The following SH3D19 variants were observed in gnomAD, a reference collection of about 807,000 sequenced individuals.
The protein encoded by SH3D19 is SH3 domain-containing protein 19.
A neutral mutation model predicts 112.1 loss-of-function variants in SH3D19; 58 were observed. The ratio of observed to expected loss-of-function variants is 0.52; its 90% CI spans 0.42 to 0.64. The LOEUF (loss-of-function observed/expected upper bound fraction) is 0.64, where lower values mean the gene tolerates loss of function less well. Among genes scored for constraint, SH3D19 ranks in the 30% least tolerant of loss-of-function variants. SH3D19 has a pLI of 0.00. For synonymous variants in SH3D19, 391 were observed against 448.5 expected (o/e 0.87, Z 1.62); for missense variants, 1,090 against 1,263.4 (o/e 0.86, Z 2.08).
chr4:151,198,737 T>G (rs1462319099), intron 2 of SH3D19, among the ~76,000 whole-genome samples: 2 of 152,084 alleles, frequency 1.3e-5, no homozygotes, highest in Admixed American at 6.6e-5. Context: ...CATAAATTAT[T>G]TAATTACCAA....
At position 151,139,813 on chromosome 4, in the gene SH3D19, C is replaced by A; in HGVS notation, c.2258G>T (p.Gly753Val). The A allele has an allele frequency of 6.2e-7, 1 of 1,614,180 alleles. No homozygotes were observed. Among genetic ancestry groups the A allele is most frequent in the Non-Finnish European group, 8.5e-7 (1 of 1,180,040 alleles). ...ATGAAGAACGACAGCATGAGGAGCACCACTGTCAACAGGCTTCTGAGCGTG... is the reference window on the plus strand; with the variant it reads ...ATGAAGAACGACAGCATGAGGAGCAACACTGTCAACAGGCTTCTGAGCGTG... ...PSHAQKPVDSGAPHAVVLHDF... is the reference protein window; with the variant it reads ...PSHAQKPVDSVAPHAVVLHDF... The change falls in exon 13 of 20, where the codon GGT (glycine) becomes GTT (valine). Residue 753 changes from glycine to valine, a missense_variant. Physicochemically the swap from Gly to Val is moderately radical, Grantham distance 109. Coordinates refer to ENST00000604030, the MANE Select transcript of SH3D19 (RefSeq NM_001378122.1).
chr4:151,186,331 T>A (rs948511839), intron 3 of SH3D19, among the ~76,000 whole-genome samples: 2 of 152,256 alleles, frequency 1.3e-5, no homozygotes, highest in African/African-American at 4.8e-5. Context: ...TATCTTGATA[T>A]GGTAGTATAA....
chr4:151,210,636 T>C (rs1425624329), intron 2 of SH3D19, among the ~76,000 whole-genome samples: 3 of 152,020 alleles, frequency 2.0e-5, no homozygotes, highest in African/African-American at 4.8e-5. Context: ...CTCCTGACCT[T>C]GTGATCCGCC....
intron 17 of SH3D19, among the ~76,000 whole-genome samples, chr4:151,131,526 T>G (rs982074506): frequency 1.3e-5 from 2 of 150,796 alleles, no homozygotes; most frequent in African/African-American, 4.9e-5. Flanking sequence ...TTGCTCTGTC[T>G]CCCAGGCGGG....
intron 1 of SH3D19, among the ~76,000 whole-genome samples, chr4:151,240,905 A>G (rs1477469119): frequency 6.6e-6 from 1 of 151,968 alleles, no homozygotes. Context: ...TCAACCGGTG[A>G]TGGATAAAAT....
intron 2 of SH3D19, 134 bp downstream of exon 2, chr4:151,225,913 T>A: frequency 2.0e-6 from 1 of 509,136 alleles, no homozygotes; most frequent in Non-Finnish European, 3.0e-6. Flanking sequence ...AAGATTTCCC[T>A]TATGAAGCTT....
chr4:151,213,246 A>G (rs893396137), intron 2 of SH3D19, among the ~76,000 whole-genome samples: 1 of 152,224 alleles, frequency 6.6e-6, no homozygotes, highest in African/African-American at 2.4e-5. Context: ...CAATTTTGAA[A>G]GAAGTTCTAC....
At chr4:151,245,432 G>A (rs905414991) in intron 1 of SH3D19, among the ~76,000 whole-genome samples, 1 of 152,096 alleles carries the variant, frequency 6.6e-6, no homozygotes, top group African/African-American at 2.4e-5. Context: ...ATAGAGATGG[G>A]TTCTTTCTAC....
At chr4:151,178,562 C>T (rs991501554) in intron 4 of SH3D19, among the ~76,000 whole-genome samples, 9 of 152,100 alleles carry the variant, frequency 5.9e-5, no homozygotes, top group Admixed American at 1.3e-4. Context: ...CTTATGACAA[C>T]CTTGTGATGT....
At chr4:151,323,941 G>T (rs1298805299) in intron 1 of SH3D19, among the ~76,000 whole-genome samples, 1 of 152,160 alleles carries the variant, frequency 6.6e-6, no homozygotes, top group African/African-American at 2.4e-5. Flanking sequence ...CATAGGTCAG[G>T]CATGGCGGTA....
intron 2 of SH3D19, among the ~76,000 whole-genome samples, chr4:151,190,408 A>T (rs1762433597): frequency 6.6e-6 from 1 of 152,212 alleles, no homozygotes; most frequent in Admixed American, 6.5e-5. Context: ...GGCATGTCAC[A>T]GGTCTTCTTG....
chr4:151,196,470 T>C (rs1377927105), intron 2 of SH3D19, among the ~76,000 whole-genome samples: 2 of 151,276 alleles, frequency 1.3e-5, no homozygotes, highest in Non-Finnish European at 2.9e-5. Flanking sequence ...GAAAAAGCCC[T>C]CTGTCCAGAG....
chr4:151,192,451 C>T (rs928328598), intron 2 of SH3D19, among the ~76,000 whole-genome samples: 1 of 152,140 alleles, frequency 6.6e-6, no homozygotes, highest in Non-Finnish European at 1.5e-5. Flanking sequence ...ATTTCCTACC[C>T]ATTTTCCAAT....
chr4:151,205,560 A>G (rs930007278), intron 2 of SH3D19, among the ~76,000 whole-genome samples: 1 of 152,222 alleles, frequency 6.6e-6, no homozygotes, highest in Non-Finnish European at 1.5e-5. Context: ...GTAACATGAC[A>G]TTATTGGATT....
At chr4:151,278,817 G>C (rs1030129124) in intron 1 of SH3D19, among the ~76,000 whole-genome samples, 1 of 152,122 alleles carries the variant, frequency 6.6e-6, no homozygotes. Context: ...ATTTTTTGTA[G>C]AGACGGTGTT....
At chr4:151,165,756 C>T (rs1757905098) in intron 7 of SH3D19, 60 bp from the exon 8 acceptor site, 1 of 1,403,410 alleles carries the variant, frequency 7.1e-7, no homozygotes, top group Non-Finnish European at 1.0e-6. Flanking sequence ...AACAAAAAAC[C>T]TCATTCATAA....
chr4:151,226,558 TTAAC>T, intron 1 of SH3D19: 1 of 746,788 alleles, frequency 1.3e-6, no homozygotes, highest in East Asian at 1.3e-4. Flanking sequence ...AGCTTCACCC[TTAAC>T]TATCTACCAC....
chr4:151,142,008 G>T (rs1166189559), intron 12 of SH3D19, among the ~76,000 whole-genome samples: 2 of 152,212 alleles, frequency 1.3e-5, no homozygotes, highest in East Asian at 1.9e-4. Flanking sequence ...GCTAGACAGG[G>T]TTGCCAACAA....
At chr4:151,313,540 C>T (rs1054233885) in intron 1 of SH3D19, among the ~76,000 whole-genome samples, 2 of 152,124 alleles carry the variant, frequency 1.3e-5, no homozygotes, top group Non-Finnish European at 2.9e-5. Context: ...CCTCACTCTC[C>T]TGAGTAGCTG....
Sources: allele counts gnomAD v4.1 joint callset (sites outside exome capture counted in the v4.1 genomes callset), GRCh38; gene constraint gnomAD v4.1.1; transcripts MANE v1.5; gene names NCBI Gene and HGNC (gene_info 2026-07-23, HGNC 2026-07-21).